RP1: variants seen among roughly 807,000 people sequenced by gnomAD.
RP1 encodes the protein RP1 axonemal microtubule associated.
In RP1, 16 loss-of-function variants were observed where a neutral mutation model predicts 14.8. The observed-to-expected ratio is 1.08, with a 90% CI of 0.73 to 1.65. RP1 has a LOEUF of 1.65. RP1 is among the 40% of genes most tolerant of loss of function. RP1 has a pLI of 0.00. For synonymous variants in RP1, 876 were observed against 883.6 expected (o/e 0.99, Z 0.15); for missense variants, 2,631 against 2,535.0 (o/e 1.04, Z -0.81).
At chr8:54,853,365 G>T (rs552481669) in intron 26 of RP1, among the ~76,000 whole-genome samples, 1 of 152,088 alleles carries the variant, frequency 6.6e-6, no homozygotes, top group African/African-American at 2.4e-5. Flanking sequence ...AGAGAGAGAC[G>T]TAAAGAGGAA....
chr8:54,744,388 G>A (rs1419902198), intron 19 of RP1, among the ~76,000 whole-genome samples: 1 of 152,180 alleles, frequency 6.6e-6, no homozygotes, highest in Non-Finnish European at 1.5e-5. Context: ...ATGAGTCAGA[G>A]AGCCCCGAAG....
At chr8:54,640,454 C>G (rs1806432639) in intron 3 of RP1, among the ~76,000 whole-genome samples, 1 of 152,134 alleles carries the variant, frequency 6.6e-6, no homozygotes, top group African/African-American at 2.4e-5. Flanking sequence ...TAGGTTCTTT[C>G]ATTTTTCCTT....
chr8:54,818,669 C>T (rs534656798), intron 24 of RP1, among the ~76,000 whole-genome samples: 1 of 152,298 alleles, frequency 6.6e-6, no homozygotes, highest in African/African-American at 2.4e-5. Flanking sequence ...ATTCTCAGAA[C>T]TTGAGTCTTA....
rs186571865 is a variant in RP1 at position 54,622,111 on chromosome 8, T to C, written c.616-6T>C. The C allele has an allele frequency of 6.1e-3, 9,806 of 1,614,088 alleles. 41 individuals carry two copies. Among genetic ancestry groups the C allele is most frequent in the Middle Eastern group, 0.016 (94 of 6,050 alleles). On this transcript the variant is annotated splice_polypyrimidine_tract_variant and splice_region_variant and intron_variant, in intron 2 of 3. Transcript: ENST00000220676. ...ATCTCAGGATAATGACTCTGGTCTC[T>C]TTTAGGTTCCCAGCCTCCAGGCAGT...
chr8:54,705,679 G>A (rs1268214906), intron 14 of RP1, among the ~76,000 whole-genome samples: 1 of 152,052 alleles, frequency 6.6e-6, no homozygotes, highest in Non-Finnish European at 1.5e-5. Flanking sequence ...GACTTCTCTG[G>A]GTAAAGTTAA....
intron 5 of RP1, among the ~76,000 whole-genome samples, chr8:54,653,945 A>G (rs777340683): frequency 1.7e-4 from 26 of 152,286 alleles, no homozygotes; most frequent in Middle Eastern, 3.4e-3. Flanking sequence ...GATTACATTC[A>G]TTATGAACTT....
chr8:54,803,562 G>T (rs1157689171), intron 24 of RP1, among the ~76,000 whole-genome samples: 3 of 152,084 alleles, frequency 2.0e-5, no homozygotes, highest in African/African-American at 7.2e-5. Context: ...CAATGTTGTT[G>T]AATGATTTCC....
intron 16 of RP1, among the ~76,000 whole-genome samples, chr8:54,722,752 T>A (rs569260524): frequency 3.3e-5 from 5 of 152,262 alleles, no homozygotes; most frequent in African/African-American, 1.2e-4. Flanking sequence ...GCACCCTGAC[T>A]GATAAGGGGA....
chr8:54,718,154 T>C lies in RP1; in HGVS notation c.2212-1975T>C, dbSNP rs552130481. Among the ~76,000 whole-genome samples, 3 of 152,310 alleles carry C rather than the reference T, an allele frequency of 2.0e-5. No homozygotes were observed. In the South Asian group the frequency reaches 6.2e-4, roughly 32 times the overall value. On this transcript the variant is annotated intron_variant, in intron 15 of 22. Transcript: ENST00000636932. ...TTGTTGTCAGTTCTTACCAACTTTATCATAGATTCAATACAATTCCAGTCA... is the reference window on the plus strand; with the variant it reads ...TTGTTGTCAGTTCTTACCAACTTTACCATAGATTCAATACAATTCCAGTCA...
At chr8:54,583,941 CA>C (rs1193471272) in intron 1 of RP1, among the ~76,000 whole-genome samples, 1 of 151,940 alleles carries the variant, frequency 6.6e-6, no homozygotes, top group Admixed American at 6.6e-5. Context: ...TTGATCTTTT[CA>C]AAAAACCAGC....
chr8:54,802,909 A>G (rs1489446872), intron 24 of RP1, among the ~76,000 whole-genome samples: 3 of 152,204 alleles, frequency 2.0e-5, no homozygotes, highest in Non-Finnish European at 4.4e-5. Flanking sequence ...GGACCTTTCA[A>G]CTGGGATCAG....
intron 17 of RP1, among the ~76,000 whole-genome samples, chr8:54,726,710 G>A (rs191170354): frequency 1.3e-5 from 2 of 152,076 alleles, no homozygotes; most frequent in East Asian, 1.9e-4. Context: ...CCAGAACAAT[G>A]AGTTGAAAAG....
intron 19 of RP1, chr8:54,754,778 T>A (rs1386041453): frequency 6.8e-7 from 1 of 1,481,256 alleles, no homozygotes; most frequent in South Asian, 1.3e-5. Flanking sequence ...TGACACAATT[T>A]GGTCATTTTT....
rs2129318389 is a variant in RP1 at position 54,629,662 on chromosome 8, C to T, written c.5780C>T (p.Pro1927Leu). ...CCAATACTAACTGTTATTATCCAAC[C>T]CATGAATGAGGAAGACCGAGGATTT... ...HCPILTVIIQ[P>L]MNEEDRGFAY... is the part of the protein sequence containing the mutation. The change falls in exon 4 of 4, where the codon CCC (proline) becomes CTC (leucine). Residue 1927 changes from proline (P) to leucine (L), a missense_variant. Physicochemically the swap from Pro to Leu is moderately conservative, Grantham distance 98. Coordinates refer to ENST00000220676, the MANE Select transcript of RP1 (RefSeq NM_006269.2). 3 of 1,613,880 alleles carry T rather than the reference C, an allele frequency of 1.9e-6. No homozygotes were observed. Among genetic ancestry groups the T allele is most frequent in the South Asian group, 1.1e-5 (1 of 91,036 alleles).
At chr8:54,805,959 T>C (rs1810840488) in intron 24 of RP1, among the ~76,000 whole-genome samples, 1 of 152,168 alleles carries the variant, frequency 6.6e-6, no homozygotes, top group Non-Finnish European at 1.5e-5. Flanking sequence ...TGTTTGTATC[T>C]AATACAACAG....
At position 54,600,405 on chromosome 8, in the gene RP1, G is replaced by A. The variant is rs139289649; in HGVS notation, c.-12-20550G>A. On this transcript the variant is annotated intron_variant, in intron 1 of 22. Coordinates refer to the RP1 transcript ENST00000636932. ...GCAGCATGAGAACAGACTAATACAG[G>A]CTTCCTTTGTGGTCTCATTTACCCT... Among the ~76,000 whole-genome samples the A allele has an allele frequency of 3.3e-3, 506 of 152,258 alleles. 1 individual carries two copies. Among genetic ancestry groups the A allele is most frequent in the African/African-American group, 0.012 (479 of 41,570 alleles).
chr8:54,635,552 A>G (rs1428589194), downstream of RP1, among the ~76,000 whole-genome samples: 2 of 152,130 alleles, frequency 1.3e-5, no homozygotes, highest in Admixed American at 1.3e-4. Context: ...GAATATTCAT[A>G]TATATATTTA....
chr8:54,661,227 A>T (rs1055160423), intron 6 of RP1, among the ~76,000 whole-genome samples: 1 of 146,716 alleles, frequency 6.8e-6, no homozygotes, highest in Non-Finnish European at 1.5e-5. Flanking sequence ...ATACATAATG[A>T]TATATATAAT....
chr8:54,630,825 A>G lies in RP1; in HGVS notation c.*472A>G, dbSNP rs2129318968. On this transcript the variant is annotated 3_prime_UTR_variant, in exon 4 of 4. Transcript: ENST00000220676. ...ATTATAAGATATCCACGACAATCTCATAGTTTCTTGTGCCAAATATGTTGA... is the reference window on the plus strand; with the variant it reads ...ATTATAAGATATCCACGACAATCTCGTAGTTTCTTGTGCCAAATATGTTGA... 1.0e-6 allele frequency: 1 copy of G among 991,396 alleles called. No individual in the cohort carries two copies. Among genetic ancestry groups the G allele is most frequent in the Non-Finnish European group, 1.2e-6 (1 of 832,218 alleles). 61.4% of individuals were successfully genotyped at this position (991,396 alleles called of 1,614,324 possible). A position where few individuals can be genotyped will look rare whatever the true frequency, so the allele number is the denominator to read the frequency against.
Sources: gnomAD v4.1 joint callset for allele counts (sites outside exome capture counted in the v4.1 genomes callset) on GRCh38, gnomAD v4.1.1 for gene constraint, MANE v1.5 for transcripts, NCBI Gene and HGNC (gene_info 2026-07-23, HGNC 2026-07-21) for gene names.